Variants in CUL3 observed in about 807,000 individuals in gnomAD.
CUL3 encodes the protein cullin-3.
Under a neutral mutation model 89.1 loss-of-function variants are expected in CUL3, and 19 were observed. That is an observed-to-expected ratio of 0.21 (90% CI 0.15 to 0.31). CUL3 has a LOEUF of 0.31. Among genes scored for constraint, CUL3 ranks in the 10% least tolerant of loss-of-function variants. The pLI is 1.00. For missense variants in CUL3, 469 were observed against 942.3 expected (o/e 0.50, Z 6.58); for synonymous variants, 351 against 308.4 (o/e 1.14, Z -1.45).
At chr2:224,476,915 A>G (rs542579246) in intron 15 of CUL3, among the ~76,000 whole-genome samples, 1 of 152,268 alleles carries the variant, frequency 6.6e-6, no homozygotes, top group Non-Finnish European at 1.5e-5. Flanking sequence ...CCAGTACCTC[A>G]AAGAATAAGC....
At chr2:224,566,938 T>C (rs1206989376) in intron 1 of CUL3, among the ~76,000 whole-genome samples, 2 of 152,174 alleles carry the variant, frequency 1.3e-5, no homozygotes, top group Non-Finnish European at 2.9e-5. Flanking sequence ...CTGGCTTCAT[T>C]TACCTTGAAA....
At chr2:224,499,576 C>A in intron 11 of CUL3, 1 of 211,778 alleles carries the variant, frequency 4.7e-6, no homozygotes, top group East Asian at 1.2e-4. Flanking sequence ...GCAAGTGGGT[C>A]AAGAGACCTT....
Position 224,470,226 on chromosome 2 carries a change from CTGT to C in CUL3, c.*4016_*4018del, listed in dbSNP as rs1414021226. The C allele has an allele frequency of 4.2e-5, 9 of 211,804 alleles. No individual in the cohort carries two copies. Among genetic ancestry groups the C allele is most frequent in the Non-Finnish European group, 6.7e-5 (7 of 104,822 alleles). The allele number at this position is 211,804 out of a possible 1,614,324, so 13.1% of individuals were successfully genotyped here. ...AATAAAGTTTATTAGTTGAACTGTC[CTGT>C]TATTAAAATCTTGAAATTTGACAAT... On this transcript the variant is annotated 3_prime_UTR_variant, in exon 16 of 16. Coordinates refer to ENST00000264414, the MANE Select transcript of CUL3 (RefSeq NM_003590.5).
chr2:224,574,024 G>A (rs1695244572), intron 1 of CUL3, among the ~76,000 whole-genome samples: 1 of 152,186 alleles, frequency 6.6e-6, no homozygotes, highest in Non-Finnish European at 1.5e-5. Flanking sequence ...GCAAACAGAA[G>A]AGGCTAAGTG....
intron 3 of CUL3, among the ~76,000 whole-genome samples, chr2:224,526,278 C>G (rs1336838530): frequency 1.4e-4 from 21 of 152,274 alleles, no homozygotes; most frequent in Non-Finnish European, 1.5e-5. Context: ...ATTCCCTTTA[C>G]TCTATCAAGA....
rs2106189055 is a variant in CUL3 at position 224,500,408 on chromosome 2, C to T, written c.1565G>A (p.Cys522Tyr). ...ATGTCTTGGTGCTGGTGGGATGTTGCACTTTGGTGTGGCTGACTGAGTGGG... is the reference window on the plus strand; with the variant it reads ...ATGTCTTGGTGCTGGTGGGATGTTGTACTTTGGTGTGGCTGACTGAGTGGG... ...YWPTQSATPKCNIPPAPRHAF... is the reference protein window; with the variant it reads ...YWPTQSATPKYNIPPAPRHAF... The change falls in exon 11 of 16, where the codon TGC becomes TAC. Residue 522 changes from cysteine to tyrosine, a missense_variant. This residue lies in a region of CUL3 where 370 missense variants were observed against 733.2 expected (regional missense o/e 0.50). Transcript: ENST00000264414. 1 of 1,614,064 alleles carries T rather than the reference C, an allele frequency of 6.2e-7. No homozygotes were observed. Among genetic ancestry groups the T allele is most frequent in the Non-Finnish European group, 8.5e-7 (1 of 1,179,986 alleles).
At chr2:224,478,409 TA>T (rs1488566909) in intron 14 of CUL3, 64 bp from the exon 15 acceptor site, 8 of 1,514,032 alleles carry the variant, frequency 5.3e-6, no homozygotes, top group Non-Finnish European at 6.3e-6. Flanking sequence ...TAAGCAAGCT[TA>T]TTATAATTCA....
At chr2:224,506,321 T>C (rs1419153760) in intron 7 of CUL3, among the ~76,000 whole-genome samples, 189 bp from the exon 8 acceptor site, 1 of 152,186 alleles carries the variant, frequency 6.6e-6, no homozygotes, top group African/African-American at 2.4e-5. Context: ...GAGAGAAGTA[T>C]TATAACTTCC....
chr2:224,507,603 T>G (rs1226749131), intron 6 of CUL3, among the ~76,000 whole-genome samples: 3 of 152,180 alleles, frequency 2.0e-5, no homozygotes, highest in Non-Finnish European at 4.4e-5. Context: ...CTTCAATATT[T>G]TCCTGAGAGC....
intron 1 of CUL3, 145 bp from the exon 2 acceptor site, chr2:224,558,001 A>C: frequency 3.7e-6 from 2 of 546,336 alleles, no homozygotes; most frequent in Non-Finnish European, 6.4e-6. Context: ...GAACATTAAC[A>C]ACCTATTTTA....
chr2:224,520,152 C>T (rs1208155019), intron 3 of CUL3, among the ~76,000 whole-genome samples: 2 of 152,130 alleles, frequency 1.3e-5, no homozygotes, highest in African/African-American at 2.4e-5. Context: ...GTTCGAAAGC[C>T]TAATGTGAGT....
chr2:224,496,012 T>C (rs750122373), intron 12 of CUL3, 46 bp from the exon 13 acceptor site: 9 of 1,595,794 alleles, frequency 5.6e-6, no homozygotes, highest in Non-Finnish European at 7.7e-6. Flanking sequence ...AATCATTTCC[T>C]GGTAACATTA....
intron 11 of CUL3, 197 bp downstream of exon 11, chr2:224,500,166 A>G (rs965201072): frequency 1.6e-5 from 8 of 497,416 alleles, no homozygotes; most frequent in African/African-American, 1.6e-4. Context: ...TCTAGAGATA[A>G]ATTATGCCTG....
In CUL3 at chr2:224,585,103, G is replaced by C; in HGVS notation, c.-94C>G. 9.6e-7 allele frequency: 1 copy of C among 1,043,256 alleles called. No homozygotes were observed. The highest frequency in any genetic ancestry group is 1.3e-6 in the Non-Finnish European group (1 of 789,646). 64.6% of individuals were successfully genotyped at this position (1,043,256 alleles called of 1,614,324 possible). On this transcript the variant is annotated 5_prime_UTR_variant, in exon 1 of 16. Coordinates refer to ENST00000264414, the MANE Select transcript of CUL3 (RefSeq NM_003590.5). ...GGCAGGCAGGCTAGGGGCGACGCTG[G>C]GGGCGGCGGCGGCGCGACCCCCGGG... is the stretch of plus-strand genomic sequence containing the variant.
At position 224,500,175 on chromosome 2, in the gene CUL3, TGC is replaced by T. The variant is rs1692323821; in HGVS notation, c.1610+186_1610+187del. On this transcript the variant is annotated intron_variant, in intron 11 of 15. Transcript: ENST00000264414. ...AATCTTTCTAGAGATAAATTATGCC[TGC>T]TTTACTTTACTCATCAAGATCCTAT... 4 of 522,848 alleles carry T rather than the reference TGC, an allele frequency of 7.7e-6. No homozygotes were observed. In the South Asian group the frequency reaches 1.2e-4, roughly 15 times the overall value. The allele number at this position is 522,848 out of a possible 1,614,324, so 32.4% of individuals were successfully genotyped here. A position where few individuals can be genotyped will look rare whatever the true frequency, so the allele number is the denominator to read the frequency against.
intron 3 of CUL3, among the ~76,000 whole-genome samples, chr2:224,532,675 G>C (rs1324923001): frequency 2.0e-5 from 3 of 152,192 alleles, no homozygotes; most frequent in Admixed American, 6.5e-5. Context: ...ACACACGACA[G>C]ATCCTGGGAG....
Position 224,522,180 on chromosome 2 carries a change from A to G in CUL3, c.379-7408T>C, listed in dbSNP as rs538547606. ...AGGTAATCCTCTATTAACAAGTAAT[A>G]AAATATTTTCAGAGTTCACTTTCAA... On this transcript the variant is annotated intron_variant, in intron 3 of 15. Coordinates refer to ENST00000264414, the MANE Select transcript of CUL3 (RefSeq NM_003590.5). 2.0e-5 allele frequency among the ~76,000 whole-genome samples: 3 copies of G among 152,270 alleles called. No homozygotes were observed. In the East Asian group the frequency reaches 5.8e-4, roughly 29 times the overall value.
chr2:224,485,604 C>G lies in CUL3; in HGVS notation c.1843-3526G>C, dbSNP rs1691687221. Among the ~76,000 whole-genome samples the G allele has an allele frequency of 1.3e-5, 2 of 152,196 alleles. No homozygotes were observed. Among genetic ancestry groups the G allele is most frequent in the Non-Finnish European group, 2.9e-5 (2 of 68,024 alleles). ...GGCATCTCGGAAAGAAAGGCAGCAG[C>G]CTGAGTCACGGGCTTGTAAATAAAA... On this transcript the variant is annotated intron_variant, in intron 13 of 15. Transcript: ENST00000264414. The surrounding 1 kb of genome is among the most constrained non-coding windows in gnomAD (Gnocchi z 4.1).
At chr2:224,577,716 A>T (rs997791447) in intron 1 of CUL3, among the ~76,000 whole-genome samples, 2 of 152,248 alleles carry the variant, frequency 1.3e-5, no homozygotes, top group Non-Finnish European at 2.9e-5. Flanking sequence ...AAGTAAATGA[A>T]AATTCTCTAC....
Sources: gnomAD v4.1 joint callset for allele counts (sites outside exome capture counted in the v4.1 genomes callset) on GRCh38, gnomAD v4.1.1 for gene constraint, gnomAD v4.1.1 regional missense constraint, Gnocchi (gnomAD v3.1) non-coding constraint, MANE v1.5 for transcripts, NCBI Gene and HGNC (gene_info 2026-07-23, HGNC 2026-07-21) for gene names.